SNAP23: variants seen among roughly 807,000 people sequenced by gnomAD.
The protein encoded by SNAP23 is synaptosome associated protein 23, also known as synaptosomal-associated protein 23.
Under a neutral mutation model 29.0 loss-of-function variants are expected in SNAP23, and 11 were observed. That is an observed-to-expected ratio of 0.38 (90% CI 0.24 to 0.63). The LOEUF (loss-of-function observed/expected upper bound fraction) is 0.63. Among genes scored for constraint, SNAP23 ranks in the 20% least tolerant of loss-of-function variants. The pLI is 0.58. For synonymous variants in SNAP23, 60 were observed against 82.9 expected (o/e 0.72, Z 1.50); for missense variants, 220 against 253.9 (o/e 0.87, Z 0.91).
chr15:42,507,366 A>G (rs1274062367), intron 1 of SNAP23, among the ~76,000 whole-genome samples: 1 of 152,184 alleles, frequency 6.6e-6, no homozygotes, highest in Non-Finnish European at 1.5e-5. Context: ...TAGAAAAGAA[A>G]AAGGTCAAAT....
intron 5 of SNAP23, chr15:42,521,730 C>A: frequency 1.4e-6 from 1 of 736,168 alleles, no homozygotes; most frequent in South Asian, 1.6e-5. Flanking sequence ...AATGGCTTTT[C>A]TGTGCATGTG....
chr15:42,501,790 T>C (rs1395083593), intron 1 of SNAP23, among the ~76,000 whole-genome samples: 1 of 152,170 alleles, frequency 6.6e-6, no homozygotes, highest in Non-Finnish European at 1.5e-5. Context: ...GGCACTGCTC[T>C]AAATACTGTG....
intron 1 of SNAP23, among the ~76,000 whole-genome samples, chr15:42,511,060 C>T (rs925887622): frequency 7.2e-5 from 11 of 152,240 alleles, no homozygotes; most frequent in African/African-American, 2.7e-4. Context: ...TTGCACAATG[C>T]TTGTTATTAC....
chr15:42,502,841 C>T (rs541812169), intron 1 of SNAP23, among the ~76,000 whole-genome samples: 3 of 152,296 alleles, frequency 2.0e-5, no homozygotes, highest in East Asian at 1.9e-4. Context: ...CAGTATTACT[C>T]CTGGGTCACT....
At chr15:42,508,621 G>A (rs879640159) in intron 1 of SNAP23, among the ~76,000 whole-genome samples, 2 of 152,142 alleles carry the variant, frequency 1.3e-5, no homozygotes, top group Non-Finnish European at 2.9e-5. Flanking sequence ...TGCGATGTCA[G>A]GGGTGATTCC....
At chr15:42,512,592 T>A (rs1181074710) in intron 2 of SNAP23, among the ~76,000 whole-genome samples, 1 of 152,138 alleles carries the variant, frequency 6.6e-6, no homozygotes, top group Non-Finnish European at 1.5e-5. Context: ...TTGGGCAGGC[T>A]GGTCTCAAAC....
Position 42,516,625 on chromosome 15 carries a change from G to A in SNAP23, c.266+1271G>A, listed in dbSNP as rs553846176. ...ATTACAGGTGTGAGCCACCACACCCGGCCTCAATGTATTCATTTTTAAAGA... is the reference window on the plus strand; with the variant it reads ...ATTACAGGTGTGAGCCACCACACCCAGCCTCAATGTATTCATTTTTAAAGA... On this transcript the variant is annotated intron_variant, in intron 5 of 7. Coordinates refer to ENST00000249647, the MANE Select transcript of SNAP23 (RefSeq NM_003825.4). Among the ~76,000 whole-genome samples the A allele has an allele frequency of 4.6e-5, 7 of 152,098 alleles. No homozygotes were observed. In the East Asian group the frequency reaches 5.8e-4, roughly 13 times the overall value.
intron 5 of SNAP23, 41 bp from the exon 6 acceptor site, chr15:42,528,221 C>CT (rs753631592): frequency 6.6e-5 from 103 of 1,550,394 alleles, no homozygotes; most frequent in Admixed American, 1.2e-4. Flanking sequence ...TCTCCGTCTT[C>CT]TTTTTTTTGG....
upstream of SNAP23, chr15:42,491,581 A>T (rs1276604274): frequency 6.6e-6 from 1 of 152,220 alleles, no homozygotes; most frequent in Non-Finnish European, 1.5e-5. Context: ...GTAAATTACA[A>T]TTCTTCTTGG....
intron 5 of SNAP23, among the ~76,000 whole-genome samples, chr15:42,524,425 C>T (rs1011981380): frequency 2.6e-5 from 4 of 152,182 alleles, no homozygotes; most frequent in African/African-American, 7.2e-5. Flanking sequence ...AGAAACTGGT[C>T]CTCATAGCAG....
chr15:42,528,429 A>G lies in SNAP23; in HGVS notation c.425+9A>G. On this transcript the variant is annotated intron_variant, in intron 6 of 7. Transcript: ENST00000249647. ...GGTGGATACATTAAACGGTATGCCAACTCCTCCTGATATTCCTGTACCTTT... is the reference window on the plus strand; with the variant it reads ...GGTGGATACATTAAACGGTATGCCAGCTCCTCCTGATATTCCTGTACCTTT... 4 of 1,613,570 alleles carry G rather than the reference A, an allele frequency of 2.5e-6. No individual in the cohort carries two copies. Among genetic ancestry groups the G allele is most frequent in the South Asian group, 1.1e-5 (1 of 91,066 alleles).
intron 4 of SNAP23, among the ~76,000 whole-genome samples, chr15:42,513,683 AT>A (rs2057375858): frequency 6.6e-6 from 1 of 152,140 alleles, no homozygotes; most frequent in Non-Finnish European, 1.5e-5. Flanking sequence ...AGCATGGCTT[AT>A]TTTGTGTATT....
intron 2 of SNAP23, among the ~76,000 whole-genome samples, chr15:42,512,750 A>G (rs1024290277): frequency 7.3e-5 from 11 of 150,514 alleles, no homozygotes; most frequent in African/African-American, 2.2e-4. Flanking sequence ...CAGTCTCACT[A>G]TGTTGTCTGG....
chr15:42,508,221 C>A (rs2057329885), intron 1 of SNAP23, among the ~76,000 whole-genome samples: 1 of 150,790 alleles, frequency 6.6e-6, no homozygotes, highest in East Asian at 1.9e-4. Flanking sequence ...CCTGATTGCA[C>A]CACCGCTCTC....
chr15:42,502,109 G>A (rs1005994807), intron 1 of SNAP23, among the ~76,000 whole-genome samples: 1 of 149,178 alleles, frequency 6.7e-6, no homozygotes. Flanking sequence ...CTGACTGCAA[G>A]CTCTGCCTCC....
chr15:42,510,174 C>T (rs2057349093), intron 1 of SNAP23, among the ~76,000 whole-genome samples: 1 of 152,104 alleles, frequency 6.6e-6, no homozygotes. Context: ...CTTGCTCTGT[C>T]ACCCAGGCTG....
At chr15:42,531,160 T>A (rs1266630339) in intron 7 of SNAP23, among the ~76,000 whole-genome samples, 1 of 152,206 alleles carries the variant, frequency 6.6e-6, no homozygotes, top group African/African-American at 2.4e-5. Context: ...CATGTTAAAC[T>A]ATGAAAAAAT....
intron 6 of SNAP23, among the ~76,000 whole-genome samples, chr15:42,528,902 G>A (rs2057534434): frequency 6.6e-6 from 1 of 152,124 alleles, no homozygotes; most frequent in South Asian, 2.1e-4. Flanking sequence ...AATGTTGACT[G>A]TGGTGGTTGA....
chr15:42,510,135 TTTTG>T (rs1223060470), intron 1 of SNAP23, among the ~76,000 whole-genome samples: 8 of 152,018 alleles, frequency 5.3e-5, no homozygotes, highest in African/African-American at 1.4e-4. Context: ...ATTTAAATTT[TTTTG>T]TTTGTTTGTT....
Sources: gnomAD v4.1 joint callset for allele counts (sites outside exome capture counted in the v4.1 genomes callset) on GRCh38, gnomAD v4.1.1 for gene constraint, MANE v1.5 for transcripts, NCBI Gene and HGNC (gene_info 2026-07-23, HGNC 2026-07-21) for gene names.